Variants in STK10 observed in about 807,000 individuals in gnomAD.
STK10 encodes serine/threonine kinase 10.
In STK10, 78 loss-of-function variants were observed where a neutral mutation model predicts 113.8. That is an observed-to-expected ratio of 0.69 (90% CI 0.57 to 0.83). STK10 has a LOEUF of 0.83. STK10 is among the 40% of genes least tolerant of loss of function. The pLI, the probability that STK10 is intolerant of heterozygous loss-of-function variation, is 0.00. For missense variants in STK10, 1,109 were observed against 1,280.1 expected (o/e 0.87, Z 2.04); for synonymous variants, 465 against 494.7 (o/e 0.94, Z 0.80).
chr5:172,053,157 T>C, intron 17 of STK10, 115 bp from the exon 18 acceptor site: 1 of 756,496 alleles, frequency 1.3e-6, no homozygotes, highest in Non-Finnish European at 2.2e-6. Context: ...TTATTATTTC[T>C]TCTTGACTAT....
chr5:172,089,787 G>A (rs913459679), intron 10 of STK10, among the ~76,000 whole-genome samples: 1 of 152,058 alleles, frequency 6.6e-6, no homozygotes, highest in Non-Finnish European at 1.5e-5. Flanking sequence ...GTGAATGACT[G>A]GGTGGATAGA....
chr5:172,059,799 C>G (rs1381158363), intron 14 of STK10, among the ~76,000 whole-genome samples: 2 of 152,174 alleles, frequency 1.3e-5, no homozygotes, highest in African/African-American at 4.8e-5. Flanking sequence ...AAATGCCCCC[C>G]AAGCAAAGCT....
intron 15 of STK10, 71 bp from the exon 16 acceptor site, chr5:172,055,847 G>A: frequency 7.6e-7 from 1 of 1,314,484 alleles, no homozygotes; most frequent in Non-Finnish European, 9.9e-7. Flanking sequence ...CAGGCTAAAG[G>A]TCCCCACACT....
intron 12 of STK10, among the ~76,000 whole-genome samples, chr5:172,081,717 T>C (rs112069273): frequency 7.2e-5 from 11 of 152,222 alleles, no homozygotes; most frequent in African/African-American, 2.4e-4. Flanking sequence ...CTGCTACCAG[T>C]TGGGAGACTG....
chr5:172,066,597 G>A (rs1023948431), intron 12 of STK10, among the ~76,000 whole-genome samples: 1 of 152,150 alleles, frequency 6.6e-6, no homozygotes, highest in Admixed American at 6.5e-5. Context: ...GACCAGCCTT[G>A]GGCAACATGG....
intron 7 of STK10, among the ~76,000 whole-genome samples, chr5:172,097,875 G>A (rs895086878): frequency 3.9e-5 from 6 of 152,114 alleles, no homozygotes; most frequent in African/African-American, 9.7e-5. Flanking sequence ...CTTGCAAAAC[G>A]CCAAAGCAAA....
At position 172,188,080 on chromosome 5, in the gene STK10, C is replaced by T. The variant is rs202051945; in HGVS notation, c.-38G>A. The T allele has an allele frequency of 1.5e-3, 2,332 of 1,596,936 alleles. 37 individuals are homozygous for T. In the African/African-American group the frequency reaches 0.028, roughly 19 times the overall value. ...GGTGGCGCCGGCTCGGGCTCGGGCT[C>T]GGGCTCGGGCTGTGGCTTCGGCGGC... On this transcript the variant is annotated 5_prime_UTR_variant, in exon 1 of 19. Transcript: ENST00000176763. This position sits in a 1 kb window ranked among gnomAD's most constrained non-coding sequence, Gnocchi z 5.6.
chr5:172,051,592 T>A (rs193079794), intron 18 of STK10, among the ~76,000 whole-genome samples: 167 of 152,226 alleles, frequency 1.1e-3, no homozygotes, highest in African/African-American at 3.8e-3. Flanking sequence ...ACCACCGCAC[T>A]CCAGCCTTGG....
intron 17 of STK10, 57 bp downstream of exon 17, chr5:172,054,512 G>A (rs1767701183): frequency 6.3e-7 from 1 of 1,583,854 alleles, no homozygotes; most frequent in Admixed American, 1.7e-5. Context: ...GAGATCTGAT[G>A]GCCTTGGGGA....
chr5:172,111,326 T>G (rs1769231285), intron 4 of STK10, among the ~76,000 whole-genome samples: 1 of 151,990 alleles, frequency 6.6e-6, no homozygotes, highest in South Asian at 2.1e-4. Context: ...AGGTGGCCAC[T>G]CCCCGACCAC....
intron 1 of STK10, among the ~76,000 whole-genome samples, chr5:172,175,785 C>A (rs745386126): frequency 6.6e-6 from 1 of 152,154 alleles, no homozygotes; most frequent in Admixed American, 6.5e-5. Context: ...AAAAGAGACA[C>A]GCTCCTGGCC....
chr5:172,081,512 A>G (rs1768428762), intron 12 of STK10, among the ~76,000 whole-genome samples: 1 of 152,128 alleles, frequency 6.6e-6, no homozygotes, highest in Non-Finnish European at 1.5e-5. Flanking sequence ...GTATGGAACC[A>G]AACCCACAGT....
At chr5:172,162,302 C>T (rs1259897703) in intron 1 of STK10, among the ~76,000 whole-genome samples, 2 of 152,156 alleles carry the variant, frequency 1.3e-5, no homozygotes, top group Admixed American at 1.3e-4. Context: ...TGCGCCACTG[C>T]ACTCCAGCCT....
intron 2 of STK10, among the ~76,000 whole-genome samples, chr5:172,139,547 T>C (rs1027718501): frequency 8.1e-5 from 12 of 148,168 alleles, no homozygotes; most frequent in Non-Finnish European, 1.5e-4. Flanking sequence ...AACCTTGACA[T>C]ATATAGTCAA....
At chr5:172,107,356 G>A (rs984258162) in intron 5 of STK10, among the ~76,000 whole-genome samples, 3 of 152,206 alleles carry the variant, frequency 2.0e-5, no homozygotes, top group Non-Finnish European at 4.4e-5. Context: ...GGAAAAGAAG[G>A]AAACACGACA....
intron 1 of STK10, among the ~76,000 whole-genome samples, chr5:172,168,011 C>T (rs1770601057): frequency 6.6e-6 from 1 of 152,218 alleles, no homozygotes; most frequent in Admixed American, 6.5e-5. Flanking sequence ...CTCCTAGCAA[C>T]CTGGCTGAGT....
chr5:172,058,786 G>A (rs1767860107), intron 14 of STK10, among the ~76,000 whole-genome samples: 1 of 151,928 alleles, frequency 6.6e-6, no homozygotes, highest in Admixed American at 6.6e-5. Flanking sequence ...GCTGCTCAGG[G>A]GCCTAAGGCA....
chr5:172,092,341 C>G (rs1224665116), intron 9 of STK10: 1 of 152,246 alleles, frequency 6.6e-6, no homozygotes, highest in African/African-American at 2.4e-5. Context: ...TGCAGTCAAC[C>G]AGAAACATTC....
rs976458459 is a variant in STK10 at position 172,180,488 on chromosome 5, G to A, written c.156+7399C>T. On this transcript the variant is annotated intron_variant, in intron 1 of 18. Coordinates refer to ENST00000176763, the MANE Select transcript of STK10 (RefSeq NM_005990.4). Reference sequence around the variant, plus strand: ...TCAAAAAAGAAAGTCTAGCCTAAAAGGTAAATTAAAATACAGCAACGGCCA... The same window carrying A: ...TCAAAAAAGAAAGTCTAGCCTAAAAAGTAAATTAAAATACAGCAACGGCCA... Among the ~76,000 whole-genome samples, 5 of 149,130 alleles carry A rather than the reference G, an allele frequency of 3.4e-5. No individual in the cohort carries two copies. In the East Asian group the frequency reaches 8.2e-4, roughly 24 times the overall value.
Sources: gnomAD v4.1 joint callset for allele counts (sites outside exome capture counted in the v4.1 genomes callset) on GRCh38, gnomAD v4.1.1 for gene constraint, Gnocchi (gnomAD v3.1) non-coding constraint, MANE v1.5 for transcripts, NCBI Gene and HGNC (gene_info 2026-07-23, HGNC 2026-07-21) for gene names.